The following TTC39B variants were observed in gnomAD, a reference collection of about 807,000 sequenced individuals.
TTC39B encodes tetratricopeptide repeat domain 39B.
Under a neutral mutation model 96.6 loss-of-function variants are expected in TTC39B, and 92 were observed. The ratio of observed to expected loss-of-function variants is 0.95; its 90% CI spans 0.80 to 1.13. TTC39B has a LOEUF of 1.13. TTC39B is among the 50% of genes most tolerant of loss of function. TTC39B has a pLI of 0.00. For missense variants in TTC39B, 955 were observed against 809.3 expected (o/e 1.18, Z -2.18); for synonymous variants, 367 against 299.4 (o/e 1.23, Z -2.33).
intron 2 of TTC39B, among the ~76,000 whole-genome samples, chr9:15,255,762 A>G (rs1334175786): frequency 6.6e-6 from 1 of 152,212 alleles, no homozygotes; most frequent in Non-Finnish European, 1.5e-5. Flanking sequence ...AGTGTTTACT[A>G]TGCCCAAACA....
intron 3 of TTC39B, among the ~76,000 whole-genome samples, chr9:15,224,010 A>G (rs1207648929): frequency 6.6e-6 from 1 of 152,142 alleles, no homozygotes; most frequent in Non-Finnish European, 1.5e-5. Context: ...ACTCAGAAAT[A>G]TACACAAATC....
intron 8 of TTC39B, among the ~76,000 whole-genome samples, chr9:15,193,431 T>A (rs1171356268): frequency 6.6e-6 from 1 of 152,252 alleles, no homozygotes; most frequent in Admixed American, 6.5e-5. Flanking sequence ...TAATGAGATA[T>A]CATGAATCAC....
chr9:15,242,865 T>C (rs1463237247), intron 2 of TTC39B, among the ~76,000 whole-genome samples: 1 of 152,210 alleles, frequency 6.6e-6, no homozygotes, highest in Non-Finnish European at 1.5e-5. Context: ...AATAAAAATG[T>C]TTTTTTAAAA....
intron 2 of TTC39B, among the ~76,000 whole-genome samples, chr9:15,267,340 CAT>C (rs1823172631): frequency 6.6e-6 from 1 of 152,222 alleles, no homozygotes; most frequent in Non-Finnish European, 1.5e-5. Context: ...GAACAATAAA[CAT>C]ATTCATCCCT....
In TTC39B at chr9:15,276,702, T is replaced by C. The variant is rs116302489; in HGVS notation, c.241-8754A>G. Among the ~76,000 whole-genome samples the C allele has an allele frequency of 3.2e-3, 487 of 152,348 alleles. 2 individuals are homozygous for C. Among genetic ancestry groups the C allele is most frequent in the African/African-American group, 0.011 (457 of 41,588 alleles). On this transcript the variant is annotated intron_variant, in intron 1 of 19. Coordinates refer to ENST00000512701, the Ensembl canonical transcript of TTC39B. ...AAAGCATAAATTTAGGCTTGGAGGT[T>C]AGACCTGTCTGGGACTGAATCCTGG...
chr9:15,220,132 G>A (rs1820764953), intron 3 of TTC39B, among the ~76,000 whole-genome samples: 1 of 152,192 alleles, frequency 6.6e-6, no homozygotes. Context: ...TTACTCTTCA[G>A]AGACTTTTAC....
chr9:15,242,035 C>T (rs951246278), intron 2 of TTC39B, among the ~76,000 whole-genome samples: 1 of 152,044 alleles, frequency 6.6e-6, no homozygotes, highest in South Asian at 2.1e-4. Context: ...CATGAGCCAC[C>T]GCAAGCAGCC....
At chr9:15,231,049 T>C (rs752849109) in intron 2 of TTC39B, among the ~76,000 whole-genome samples, 2 of 152,148 alleles carry the variant, frequency 1.3e-5, no homozygotes, top group African/African-American at 2.4e-5. Flanking sequence ...TAATTATATA[T>C]CTAGCATTGC....
At chr9:15,307,209 C>T in exon 1 of TTC39B, 1 of 1,561,728 alleles carries the variant, frequency 6.4e-7, no homozygotes, top group South Asian at 1.2e-5. Context: ...CTCAGCCCAG[C>T]GCAAAGGAGG....
At chr9:15,195,905 C>T (rs1023136930) in intron 8 of TTC39B, among the ~76,000 whole-genome samples, 1 of 152,182 alleles carries the variant, frequency 6.6e-6, no homozygotes, top group African/African-American at 2.4e-5. Flanking sequence ...GTCAGGCTGA[C>T]TCTTGTTAGG....
intron 1 of TTC39B, among the ~76,000 whole-genome samples, chr9:15,301,733 G>A (rs1266710620): frequency 1.3e-5 from 2 of 150,754 alleles, no homozygotes; most frequent in African/African-American, 4.9e-5. Context: ...TCCAGCCTGG[G>A]CAACAGAGAG....
exon 20 of TTC39B, chr9:15,167,760 A>G (rs994502588): frequency 3.3e-5 from 5 of 152,234 alleles, no homozygotes; most frequent in Non-Finnish European, 7.3e-5. Context: ...CTCAAAAAAT[A>G]TATATATTAA....
chr9:15,214,228 A>C (rs1213143427), exon 4 of TTC39B: 1 of 1,613,974 alleles, frequency 6.2e-7, no homozygotes, highest in East Asian at 2.2e-5. Context: ...CACTCTTGAG[A>C]TCCACCTTGG....
At chr9:15,191,127 C>G in intron 10 of TTC39B, 63 bp downstream of exon 10, 3 of 1,182,006 alleles carry the variant, frequency 2.5e-6, no homozygotes, top group Non-Finnish European at 3.7e-6. Context: ...TTGCATTGCC[C>G]TCATGTTCAA....
chr9:15,174,332 T>A (rs1817814495), intron 19 of TTC39B, among the ~76,000 whole-genome samples: 1 of 152,208 alleles, frequency 6.6e-6, no homozygotes, highest in African/African-American at 2.4e-5. Context: ...AAATCACTGT[T>A]TATGACCTAG....
exon 3 of TTC39B, chr9:15,225,948 G>A: frequency 6.2e-7 from 1 of 1,614,020 alleles, no homozygotes; most frequent in Non-Finnish European, 8.5e-7. Context: ...CGCTGTCTGG[G>A]CGCCTGTTGT....
At chr9:15,195,896 T>C (rs1174204497) in intron 8 of TTC39B, among the ~76,000 whole-genome samples, 1 of 152,170 alleles carries the variant, frequency 6.6e-6, no homozygotes, top group African/African-American at 2.4e-5. Flanking sequence ...ACTTCAAAGG[T>C]CAGGCTGACT....
At chr9:15,206,149 A>G (rs1819838858) in intron 6 of TTC39B, among the ~76,000 whole-genome samples, 2 of 152,198 alleles carry the variant, frequency 1.3e-5, no homozygotes, top group Admixed American at 6.5e-5. Context: ...GCAAATAAGT[A>G]TCTGTCATAT....
exon 20 of TTC39B, chr9:15,172,035 T>C (rs746906015): frequency 6.2e-7 from 1 of 1,612,400 alleles, no homozygotes; most frequent in Admixed American, 1.7e-5. Context: ...TGAGGAAGGT[T>C]TTCTCCAGAG....
Sources: gnomAD v4.1 joint callset for allele counts (sites outside exome capture counted in the v4.1 genomes callset) on GRCh38, gnomAD v4.1.1 for gene constraint, MANE v1.5 for transcripts, NCBI Gene and HGNC (gene_info 2026-07-23, HGNC 2026-07-21) for gene names.